Variants in MACROD2 observed in about 807,000 individuals in gnomAD.
The protein encoded by MACROD2 is ADP-ribose glycohydrolase MACROD2.
Under a neutral mutation model 70.4 loss-of-function variants are expected in MACROD2, and 36 were observed. That is an observed-to-expected ratio of 0.51 (90% CI 0.39 to 0.68). The LOEUF (loss-of-function observed/expected upper bound fraction) is 0.68. MACROD2 is among the 30% of genes least tolerant of loss of function. The pLI is 0.00. For missense variants in MACROD2, 496 were observed against 538.4 expected, an observed-to-expected ratio of 0.92 and a Z score of 0.78; for synonymous variants, 172 against 178.8, an observed-to-expected ratio of 0.96 and a Z score of 0.30.
At chr20:15,021,592 G>C (rs1418567744) in intron 5 of MACROD2, 1 of 151,514 alleles carries the variant, frequency 6.6e-6, no homozygotes, top group Non-Finnish European at 1.5e-5. Flanking sequence ...TGTCATCCAT[G>C]CACAGGGGCC....
chr20:14,684,802 C>T, intron 4 of MACROD2, 41 bp from the exon 5 acceptor site: 2 of 1,517,534 alleles, frequency 1.3e-6, no homozygotes, highest in Non-Finnish European at 1.8e-6. Context: ...TATTTATTTC[C>T]AAATGCCAAA....
At chr20:15,886,073 G>A (rs753626120) in intron 10 of MACROD2, among the ~76,000 whole-genome samples, 1 of 152,060 alleles carries the variant, frequency 6.6e-6, no homozygotes, top group Non-Finnish European at 1.5e-5. Flanking sequence ...GTTATATAAC[G>A]AATCACCCCC....
intron 3 of MACROD2, among the ~76,000 whole-genome samples, chr20:14,144,303 G>A (rs1415154522): frequency 1.3e-5 from 2 of 152,006 alleles, no homozygotes; most frequent in Non-Finnish European, 2.9e-5. Flanking sequence ...GTCAATCACC[G>A]CTTTTTATAA....
intron 3 of MACROD2, among the ~76,000 whole-genome samples, chr20:14,362,599 CT>C (rs2083232634): frequency 1.3e-5 from 2 of 152,154 alleles, no homozygotes; most frequent in African/African-American, 4.8e-5. Flanking sequence ...ATTGCTCTAT[CT>C]AGGTGCATTT....
At chr20:14,557,145 A>T (rs1979086873) in intron 4 of MACROD2, among the ~76,000 whole-genome samples, 1 of 151,996 alleles carries the variant, frequency 6.6e-6, no homozygotes, top group African/African-American at 2.4e-5. Flanking sequence ...TTTTTGACAA[A>T]TGGTACTGGG....
chr20:15,900,972 G>C lies in MACROD2; in HGVS notation c.775+15161G>C, dbSNP rs376080188. Among the ~76,000 whole-genome samples, 59 of 152,336 alleles carry C rather than the reference G, an allele frequency of 3.9e-4. 1 individual carries two copies. In the South Asian group the frequency reaches 0.011, roughly 29 times the overall value. On this transcript the variant is annotated intron_variant, in intron 10 of 17. Transcript: ENST00000684519. ...ATTGAGTAGACAGAAGAGCTGGTCA[G>C]TGAGTATATTGAATTTGAAACAAGA...
intron 5 of MACROD2, among the ~76,000 whole-genome samples, chr20:14,806,133 A>G (rs1177773190): frequency 6.6e-6 from 1 of 152,154 alleles, no homozygotes; most frequent in Non-Finnish European, 1.5e-5. Flanking sequence ...GTCTTTGGAT[A>G]AATGTGGCCA....
chr20:15,790,755 T>C (rs2063617161), intron 8 of MACROD2, among the ~76,000 whole-genome samples: 2 of 151,958 alleles, frequency 1.3e-5, no homozygotes, highest in South Asian at 4.1e-4. Context: ...TTGCTGCTTA[T>C]GTAATTGTAT....
At chr20:16,006,683 G>A (rs533562585) in intron 15 of MACROD2, among the ~76,000 whole-genome samples, 2 of 152,164 alleles carry the variant, frequency 1.3e-5, no homozygotes, top group African/African-American at 2.4e-5. Flanking sequence ...GCTCTCCCTC[G>A]AATTGGGTGA....
intron 6 of MACROD2, among the ~76,000 whole-genome samples, chr20:15,377,372 GA>G (rs1201730637): frequency 1.2e-4 from 19 of 152,162 alleles, no homozygotes; most frequent in African/African-American, 4.1e-4. Context: ...AAAAGGACAA[GA>G]AAAAAGATTA....
chr20:15,818,739 G>A (rs1186869377), intron 8 of MACROD2, among the ~76,000 whole-genome samples: 1 of 152,124 alleles, frequency 6.6e-6, no homozygotes, highest in Non-Finnish European at 1.5e-5. Flanking sequence ...CCTCTGAAAA[G>A]ACTGGCTTTA....
chr20:14,065,791 G>A (rs1041713930), intron 2 of MACROD2, among the ~76,000 whole-genome samples: 15 of 152,132 alleles, frequency 9.9e-5, no homozygotes, highest in Non-Finnish European at 2.1e-4. Context: ...TGTTGCCTCC[G>A]TTTTTTACTG....
chr20:14,565,629 A>G (rs899674661), intron 4 of MACROD2, among the ~76,000 whole-genome samples: 13 of 151,996 alleles, frequency 8.6e-5, no homozygotes, highest in Admixed American at 2.6e-4. Flanking sequence ...TTTGTCAACA[A>G]TAATATTTTT....
intron 3 of MACROD2, among the ~76,000 whole-genome samples, chr20:14,230,299 CCT>C (rs2081789850): frequency 6.6e-6 from 1 of 152,082 alleles, no homozygotes; most frequent in Non-Finnish European, 1.5e-5. Flanking sequence ...TGGGTTCAGT[CCT>C]CTCAAACAGT....
intron 5 of MACROD2, among the ~76,000 whole-genome samples, chr20:15,020,574 A>C (rs1458615232): frequency 6.6e-6 from 1 of 152,100 alleles, no homozygotes; most frequent in African/African-American, 2.4e-5. Flanking sequence ...GTCCTGAGAA[A>C]TGCATTGTTA....
chr20:14,542,100 G>T (rs1006882344), intron 4 of MACROD2, among the ~76,000 whole-genome samples: 5 of 152,216 alleles, frequency 3.3e-5, no homozygotes, highest in African/African-American at 4.8e-5. Flanking sequence ...AACGTCTGCT[G>T]ACGCGAGACA....
chr20:14,985,813 G>A (rs886811367), intron 5 of MACROD2, among the ~76,000 whole-genome samples: 2 of 151,212 alleles, frequency 1.3e-5, no homozygotes, highest in Non-Finnish European at 2.9e-5. Context: ...CAGGGTCGGG[G>A]GCAGGGAAGG....
chr20:14,703,552 C>T (rs1285109325), intron 5 of MACROD2, among the ~76,000 whole-genome samples: 1 of 152,078 alleles, frequency 6.6e-6, no homozygotes, highest in Non-Finnish European at 1.5e-5. Flanking sequence ...TGTGCCATAG[C>T]ATAATACATT....
chr20:15,258,493 T>C (rs979194300), intron 6 of MACROD2, among the ~76,000 whole-genome samples: 1 of 152,128 alleles, frequency 6.6e-6, no homozygotes, highest in Non-Finnish European at 1.5e-5. Flanking sequence ...TGTGTTACAA[T>C]TGTCTGCAGT....
Sources: allele counts gnomAD v4.1 joint callset (sites outside exome capture counted in the v4.1 genomes callset), GRCh38; gene constraint gnomAD v4.1.1; transcripts MANE v1.5; gene names NCBI Gene and HGNC (gene_info 2026-07-23, HGNC 2026-07-21).